Variants in PRKCH observed in about 807,000 individuals in gnomAD.
PRKCH encodes the protein protein kinase C eta type.
A neutral mutation model predicts 82.5 loss-of-function variants in PRKCH; 28 were observed. The observed-to-expected ratio is 0.34, with a 90% CI of 0.25 to 0.47. The LOEUF is 0.47. PRKCH is among the 20% of genes least tolerant of loss of function. PRKCH has a pLI of 1.00. For missense variants in PRKCH, 705 were observed against 881.8 expected (o/e 0.80, Z 2.54); for synonymous variants, 322 against 327.4 (o/e 0.98, Z 0.18).
At chr14:61,354,327 C>T (rs999190874) in intron 1 of PRKCH, among the ~76,000 whole-genome samples, 3 of 151,958 alleles carry the variant, frequency 2.0e-5, no homozygotes, top group Admixed American at 6.6e-5. Flanking sequence ...TTGCAGTTCC[C>T]ATGTTGCTTA....
chr14:61,531,045 G>A (rs2043038800), intron 12 of PRKCH, among the ~76,000 whole-genome samples: 1 of 152,194 alleles, frequency 6.6e-6, no homozygotes, highest in South Asian at 2.1e-4. Context: ...GAGAGGAGAA[G>A]GAAGGTTTTC....
At position 61,325,594 on chromosome 14, in the gene PRKCH, T is replaced by TA. The variant is rs202092914; in HGVS notation, c.363+3137dup. Among the ~76,000 whole-genome samples the TA allele has an allele frequency of 9.7e-3, 1,472 of 152,132 alleles. 29 individuals carry two copies. The highest frequency in any genetic ancestry group is 0.033 in the African/African-American group (1,377 of 41,496). ...GATAGCGTACAAAAGGCACCAACTA[T>TA]AAAAAAATCAGTAAGTTGGACTTTA... On this transcript the variant is annotated intron_variant, in intron 1 of 13. Coordinates refer to ENST00000332981, the MANE Select transcript of PRKCH (RefSeq NM_006255.5).
chr14:61,442,874 G>C (rs1884043045), intron 2 of PRKCH: 1 of 370,480 alleles, frequency 2.7e-6, no homozygotes. Flanking sequence ...AGAGTTCAAG[G>C]CTGCAGTAAG....
At chr14:61,240,777 A>T (rs529499771) in intron 1 of PRKCH, among the ~76,000 whole-genome samples, 1 of 152,228 alleles carries the variant, frequency 6.6e-6, no homozygotes, top group African/African-American at 2.4e-5. Context: ...ACCCAAAATC[A>T]CATGTTCCTG....
At chr14:61,398,268 G>T (rs560358740) in intron 2 of PRKCH, among the ~76,000 whole-genome samples, 5 of 151,942 alleles carry the variant, frequency 3.3e-5, no homozygotes, top group Non-Finnish European at 5.9e-5. Context: ...TCACTATGTT[G>T]GACTAATTTT....
rs150819735 is a variant in PRKCH at position 61,329,106 on chromosome 14, C to G, written c.363+6642C>G. Among the ~76,000 whole-genome samples, 197 of 152,138 alleles carry G rather than the reference C, an allele frequency of 1.3e-3. 2 individuals are homozygous for G. The East Asian group carries it at 0.034, about 26-fold the overall frequency. The stretch of plus-strand genomic sequence containing the variant: ...AGACCTAAGTGGAAACAATCCCTGT[C>G]CATTGTTTTCCACTCTTATCATTAC... On this transcript the variant is annotated intron_variant, in intron 1 of 13. Coordinates refer to ENST00000332981, the MANE Select transcript of PRKCH (RefSeq NM_006255.5).
chr14:61,239,896 G>A (rs1232412590), intron 1 of PRKCH, among the ~76,000 whole-genome samples: 1 of 152,152 alleles, frequency 6.6e-6, no homozygotes, highest in Non-Finnish European at 1.5e-5. Context: ...ACCCAGCACT[G>A]TCTTTTGATT....
chr14:61,380,818 GTT>G (rs767053332), intron 1 of PRKCH, among the ~76,000 whole-genome samples: 1 of 152,182 alleles, frequency 6.6e-6, no homozygotes, highest in Admixed American at 6.5e-5. Flanking sequence ...AGTTTTGACT[GTT>G]TGTGATTTTT....
rs1378993559 is a variant in PRKCH, at chr14:61,530,557, A to G, written c.1723A>G (p.Thr575Ala). 19 of 1,607,412 alleles carry G rather than the reference A, an allele frequency of 1.2e-5. No homozygotes were observed. The highest frequency in any genetic ancestry group is 2.2e-5 in the South Asian group (2 of 89,302). ...ACTGAATGATGAGGTGGTCTACCCT[A>G]CCTGGCTCCATGAAGATGCCACAGG... ...AILNDEVVYP[T>A]WLHEDATGIL... Residue 575 changes from threonine to alanine, a missense_variant, in exon 12 of 14, where the codon ACC becomes GCC. By Grantham distance (58) the Thr-to-Ala change is moderately conservative. Around this residue, in one of 5 missense-constraint regions of PRKCH, gnomAD observed 115 missense variants for 193.8 expected, o/e 0.59. Transcript: ENST00000332981.
At chr14:61,528,151 T>TACACACACAAACACACACACAC in intron 10 of PRKCH, 1 of 135,602 alleles carries the variant, frequency 7.4e-6, no homozygotes, top group Admixed American at 7.5e-5. Flanking sequence ...CTATTTGTTT[T>TACACACACAAACACACACACAC]ACACACACAC....
At chr14:61,321,544 G>T (rs1311741919), upstream of PRKCH, among the ~76,000 whole-genome samples, 1 of 152,172 alleles carries the variant, frequency 6.6e-6, no homozygotes, top group Non-Finnish European at 1.5e-5. This position sits in a 1 kb window ranked among gnomAD's most constrained non-coding sequence, Gnocchi z 4.1. Context: ...ACGCCCCTGG[G>T]GTCCGGAAGG....
At chr14:61,546,914 A>G (rs2043264791) in intron 12 of PRKCH, among the ~76,000 whole-genome samples, 1 of 152,230 alleles carries the variant, frequency 6.6e-6, no homozygotes, top group African/African-American at 2.4e-5. Context: ...AGTGATCAAA[A>G]CACCTTTCCT....
intron 1 of PRKCH, among the ~76,000 whole-genome samples, chr14:61,331,157 ATACT>A (rs34183400): frequency 0.032 from 4,812 of 152,226 alleles, 253 homozygotes; most frequent in African/African-American, 0.11. Context: ...AAATACAGAT[ATACT>A]TACTTAGATT....
chr14:61,299,286 G>A (rs943361398), intron 1 of PRKCH, among the ~76,000 whole-genome samples: 4 of 152,126 alleles, frequency 2.6e-5, no homozygotes, highest in Non-Finnish European at 5.9e-5. Flanking sequence ...CCTGGGAGGG[G>A]CTGCATGCTC....
Position 61,539,963 on chromosome 14 carries a change from T to C in PRKCH, c.1762-7780T>C, listed in dbSNP as rs376006436. Among the ~76,000 whole-genome samples the C allele has an allele frequency of 6.6e-5, 10 of 152,374 alleles. No homozygotes were observed. In the South Asian group the frequency reaches 2.1e-3, roughly 32 times the overall value. On this transcript the variant is annotated intron_variant, in intron 12 of 13. Transcript: ENST00000332981. ...GTTTTTCTTATGATGTATTTAGATA[T>C]GCTGCCTTTAACTTCCACTCCCTGA...
intron 1 of PRKCH, among the ~76,000 whole-genome samples, chr14:61,194,549 C>T (rs75847353): frequency 0.011 from 1,702 of 152,286 alleles, 15 homozygotes; most frequent in Non-Finnish European, 0.015. Flanking sequence ...TCTTGGACAT[C>T]CCAATCTCTA....
chr14:61,405,783 A>T lies in PRKCH; in HGVS notation c.427+14495A>T, dbSNP rs546808208. On this transcript the variant is annotated intron_variant, in intron 2 of 13. Coordinates refer to ENST00000332981, the MANE Select transcript of PRKCH (RefSeq NM_006255.5). Reference sequence around the variant, plus strand: ...ATAACTGGAGAGGTAAGTAGGTTGGAGCTCAGTCTTGGTACCTTATAGGGA... The same window carrying T: ...ATAACTGGAGAGGTAAGTAGGTTGGTGCTCAGTCTTGGTACCTTATAGGGA... Among the ~76,000 whole-genome samples the T allele has an allele frequency of 1.3e-4, 19 of 150,740 alleles. No homozygotes were observed. The East Asian group carries it at 3.4e-3, about 27-fold the overall frequency.
At chr14:61,295,984 C>A (rs866263000) in intron 1 of PRKCH, among the ~76,000 whole-genome samples, 1 of 152,022 alleles carries the variant, frequency 6.6e-6, no homozygotes, top group African/African-American at 2.4e-5. Flanking sequence ...GTGCCTGAAG[C>A]GGTCGGCTAG....
chr14:61,233,179 C>A (rs986452051), intron 1 of PRKCH, among the ~76,000 whole-genome samples: 2 of 152,086 alleles, frequency 1.3e-5, no homozygotes, highest in African/African-American at 4.8e-5. Flanking sequence ...TATCAGGTTC[C>A]AAAAGCCAGA....
Sources: allele counts gnomAD v4.1 joint callset (sites outside exome capture counted in the v4.1 genomes callset), GRCh38; gene constraint gnomAD v4.1.1; regional missense constraint gnomAD v4.1.1; non-coding constraint Gnocchi (gnomAD v3.1); transcripts MANE v1.5; gene names NCBI Gene and HGNC (gene_info 2026-07-23, HGNC 2026-07-21).